RXFP1: variants seen among roughly 807,000 people sequenced by gnomAD.
RXFP1 encodes the protein relaxin receptor 1.
A neutral mutation model predicts 89.8 loss-of-function variants in RXFP1; 73 were observed. The observed-to-expected ratio is 0.81, with a 90% CI of 0.67 to 0.99. The LOEUF (loss-of-function observed/expected upper bound fraction) is 0.99, where lower values mean the gene tolerates loss of function less well. Ranked by LOEUF, RXFP1 falls within the 50% of genes least tolerant of loss-of-function variation. RXFP1 has a pLI of 0.00. For synonymous variants in RXFP1, 277 were observed against 305.5 expected, an observed-to-expected ratio of 0.91 and a Z score of 0.97; for missense variants, 793 against 895.5, an observed-to-expected ratio of 0.89 and a Z score of 1.46.
chr4:158,627,504 GGTGTGT>G (rs35872724), intron 10 of RXFP1, among the ~76,000 whole-genome samples: 29,452 of 143,212 alleles, frequency 0.21, 2,986 homozygotes, highest in Admixed American at 0.27. Flanking sequence ...TGAGCCTTAG[GGTGTGT>G]GTGTGTGTGT....
At chr4:158,534,609 T>A (rs1187903633) in intron 1 of RXFP1, among the ~76,000 whole-genome samples, 1 of 152,148 alleles carries the variant, frequency 6.6e-6, no homozygotes, top group Admixed American at 6.5e-5. Flanking sequence ...GTCATTAAAT[T>A]GTTGATGTTT....
At chr4:158,614,521 CT>C (rs1384414068) in intron 8 of RXFP1, among the ~76,000 whole-genome samples, 2 of 152,168 alleles carry the variant, frequency 1.3e-5, no homozygotes, top group African/African-American at 2.4e-5. Context: ...AGCTTCTTTC[CT>C]TTCCTTATGA....
rs1315860902 is a variant in RXFP1 at position 158,652,702 on chromosome 4, T to A, written c.*647T>A. On this transcript the variant is annotated 3_prime_UTR_variant, in exon 18 of 18. Transcript: ENST00000307765. ...TCAAAAACAGCACTTCTTTTGGCAC[T>A]TCCTGCCCAGTTTTCTCTTTGCTTT... The A allele has an allele frequency of 6.6e-6, 1 of 152,244 alleles. No homozygotes were observed. The highest frequency in any genetic ancestry group is 1.5e-5 in the Non-Finnish European group (1 of 68,052). The allele number at this position is 152,244 out of a possible 1,614,324, so 9.4% of individuals were successfully genotyped here. A position where few individuals can be genotyped will look rare whatever the true frequency, so the allele number is the denominator to read the frequency against.
intron 1 of RXFP1, among the ~76,000 whole-genome samples, chr4:158,551,572 A>G (rs969959142): frequency 2.0e-5 from 3 of 152,202 alleles, no homozygotes; most frequent in Non-Finnish European, 4.4e-5. Context: ...ATCATTTCAC[A>G]ATGTATACAT....
chr4:158,578,299 G>T (rs1000263434), intron 2 of RXFP1, among the ~76,000 whole-genome samples: 1 of 152,142 alleles, frequency 6.6e-6, no homozygotes, highest in African/African-American at 2.4e-5. Flanking sequence ...CAATCAAACA[G>T]CATAAGGACC....
At chr4:158,554,244 T>C (rs1452925567) in intron 1 of RXFP1, among the ~76,000 whole-genome samples, 1 of 152,224 alleles carries the variant, frequency 6.6e-6, no homozygotes, top group Non-Finnish European at 1.5e-5. Context: ...AACCGTATTT[T>C]TACACTCTTG....
At chr4:158,524,148 A>G (rs755392789) in intron 1 of RXFP1, among the ~76,000 whole-genome samples, 11 of 152,146 alleles carry the variant, frequency 7.2e-5, no homozygotes, top group Admixed American at 3.3e-4. Flanking sequence ...CAACAACTCT[A>G]TTATGTGGAT....
At chr4:158,621,186 T>C (rs948765241) in intron 9 of RXFP1, among the ~76,000 whole-genome samples, 1 of 151,942 alleles carries the variant, frequency 6.6e-6, no homozygotes, top group African/African-American at 2.4e-5. Context: ...CATGCACCTG[T>C]AGGCAGTCCC....
At chr4:158,538,626 C>T (rs1481878293) in intron 1 of RXFP1, among the ~76,000 whole-genome samples, 2 of 152,032 alleles carry the variant, frequency 1.3e-5, no homozygotes, top group East Asian at 3.9e-4. Flanking sequence ...CCAGCCTGAC[C>T]AACATGGAGA....
chr4:158,529,523 T>A (rs550664667), intron 1 of RXFP1, among the ~76,000 whole-genome samples: 25 of 152,208 alleles, frequency 1.6e-4, no homozygotes, highest in African/African-American at 5.1e-4. Context: ...GCCTCTCAAA[T>A]CTCTGGGATT....
At chr4:158,646,545 A>T (rs996347129) in intron 15 of RXFP1, 75 of 1,313,432 alleles carry the variant, frequency 5.7e-5, no homozygotes, top group Non-Finnish European at 7.1e-5. Context: ...AGAGACTTGC[A>T]CTTTAAAGGA....
At chr4:158,618,474 A>G (rs148413613) in intron 9 of RXFP1, among the ~76,000 whole-genome samples, 515 of 152,172 alleles carry the variant, frequency 3.4e-3, no homozygotes, top group Non-Finnish European at 5.3e-3. Context: ...TTTTGTTACT[A>G]AAGTTTTCAT....
intron 4 of RXFP1, among the ~76,000 whole-genome samples, chr4:158,602,592 G>A (rs1258186269): frequency 6.6e-6 from 1 of 151,572 alleles, no homozygotes; most frequent in Non-Finnish European, 1.5e-5. Flanking sequence ...TGCCTCATTA[G>A]CCCCGGGCTG....
chr4:158,642,145 T>C (rs1770501509), intron 14 of RXFP1, among the ~76,000 whole-genome samples: 1 of 152,206 alleles, frequency 6.6e-6, no homozygotes, highest in African/African-American at 2.4e-5. Context: ...ATCTTTAATA[T>C]TATTTTGTTA....
At chr4:158,572,240 C>T (rs183582764) in intron 1 of RXFP1, among the ~76,000 whole-genome samples, 3 of 152,280 alleles carry the variant, frequency 2.0e-5, no homozygotes, top group Non-Finnish European at 2.9e-5. Context: ...CGTGTGTGCC[C>T]GTGTACTTAA....
At chr4:158,622,831 T>G (rs1245803374) in intron 9 of RXFP1, among the ~76,000 whole-genome samples, 1 of 152,160 alleles carries the variant, frequency 6.6e-6, no homozygotes, top group Non-Finnish European at 1.5e-5. Context: ...TAGTGGAAAT[T>G]TGCTAAAAGG....
chr4:158,564,117 T>C (rs1753079230), intron 1 of RXFP1, among the ~76,000 whole-genome samples: 1 of 152,056 alleles, frequency 6.6e-6, no homozygotes, highest in South Asian at 2.1e-4. Flanking sequence ...AATATGACAA[T>C]TCCAACACTA....
intron 1 of RXFP1, chr4:158,543,694 T>C: frequency 1.1e-6 from 1 of 870,510 alleles, no homozygotes; most frequent in Non-Finnish European, 1.4e-6. Context: ...TCTCAGTTTT[T>C]CTTCATTTAT....
At chr4:158,621,580 A>G (rs760147897) in intron 9 of RXFP1, among the ~76,000 whole-genome samples, 1 of 152,216 alleles carries the variant, frequency 6.6e-6, no homozygotes, top group Non-Finnish European at 1.5e-5. Context: ...TTAAAACACC[A>G]TTAGGTTAAG....
Sources: allele counts gnomAD v4.1 joint callset (sites outside exome capture counted in the v4.1 genomes callset), GRCh38; gene constraint gnomAD v4.1.1; transcripts MANE v1.5; gene names NCBI Gene and HGNC (gene_info 2026-07-23, HGNC 2026-07-21).